FOXJ3: variants seen among roughly 807,000 people sequenced by gnomAD.
FOXJ3 encodes forkhead box J3, also known as forkhead box protein J3.
Under a neutral mutation model 76.1 loss-of-function variants are expected in FOXJ3, and 22 were observed. The ratio of observed to expected loss-of-function variants is 0.29; its 90% CI spans 0.21 to 0.41. FOXJ3 has a LOEUF of 0.41. Among genes scored for constraint, FOXJ3 ranks in the 10% least tolerant of loss-of-function variants. FOXJ3 has a pLI of 1.00. For synonymous variants in FOXJ3, 269 were observed against 261.2 expected, an observed-to-expected ratio of 1.03 and a Z score of -0.29; for missense variants, 613 against 762.1, an observed-to-expected ratio of 0.80 and a Z score of 2.30.
At chr1:42,215,448 A>G (rs1163755109) in intron 5 of FOXJ3, among the ~76,000 whole-genome samples, 1 of 152,296 alleles carries the variant, frequency 6.6e-6, no homozygotes, top group Admixed American at 6.5e-5. Context: ...TTATGAAAAA[A>G]AGAACAGAGC....
At chr1:42,210,828 C>T (rs1646953013) in intron 5 of FOXJ3, among the ~76,000 whole-genome samples, 1 of 152,158 alleles carries the variant, frequency 6.6e-6, no homozygotes, top group Admixed American at 6.5e-5. Context: ...CATACATTCC[C>T]CAGCACCAGC....
At chr1:42,316,333 C>CGTTTTTTTTTTTTTTTT (rs1322633444) in intron 1 of FOXJ3, among the ~76,000 whole-genome samples, 1 of 73,916 alleles carries the variant, frequency 1.4e-5, no homozygotes, top group African/African-American at 4.3e-5. Context: ...TGCATTGGGC[C>CGTTTTTTTTTTTTTTTT]TTTTTTTTTT....
intron 4 of FOXJ3, among the ~76,000 whole-genome samples, chr1:42,262,861 C>T (rs184603845): frequency 8.3e-4 from 126 of 152,136 alleles, no homozygotes; most frequent in Non-Finnish European, 2.6e-4. Flanking sequence ...AATTAACAAA[C>T]AAATAAACAA....
chr1:42,192,980 G>C (rs1406830577), intron 8 of FOXJ3, among the ~76,000 whole-genome samples: 1 of 152,120 alleles, frequency 6.6e-6, no homozygotes, highest in Non-Finnish European at 1.5e-5. Context: ...GGTTATTACT[G>C]TAAGATCAAA....
chr1:42,198,306 T>G (rs147259715), intron 7 of FOXJ3, among the ~76,000 whole-genome samples: 1 of 152,334 alleles, frequency 6.6e-6, no homozygotes, highest in African/African-American at 2.4e-5. Context: ...CTACATTCAA[T>G]GTGAATTTTA....
At chr1:42,302,792 T>C (rs1654234392) in intron 2 of FOXJ3, among the ~76,000 whole-genome samples, 1 of 152,184 alleles carries the variant, frequency 6.6e-6, no homozygotes, top group African/African-American at 2.4e-5. Flanking sequence ...TTAGTAGGCA[T>C]GTGTTTTATA....
At chr1:42,276,847 TA>T (rs1652302178) in intron 3 of FOXJ3, among the ~76,000 whole-genome samples, 1 of 152,234 alleles carries the variant, frequency 6.6e-6, no homozygotes, top group African/African-American at 2.4e-5. Context: ...ATATCGGTAT[TA>T]TTCTTCCCAA....
At chr1:42,309,833 G>C (rs940927122) in intron 2 of FOXJ3, among the ~76,000 whole-genome samples, 3 of 152,212 alleles carry the variant, frequency 2.0e-5, no homozygotes, top group Admixed American at 6.5e-5. Context: ...TGTGAAGGTA[G>C]AACATGGAAG....
intron 5 of FOXJ3, among the ~76,000 whole-genome samples, chr1:42,219,281 C>T (rs1300838617): frequency 6.6e-6 from 1 of 152,202 alleles, no homozygotes; most frequent in East Asian, 1.9e-4. Flanking sequence ...ACTTTGTATA[C>T]ACTACCAGCA....
chr1:42,248,997 G>A (rs1459523106), intron 4 of FOXJ3, among the ~76,000 whole-genome samples: 8 of 152,066 alleles, frequency 5.3e-5, no homozygotes, highest in Non-Finnish European at 1.2e-4. Context: ...GTGAGAACAT[G>A]TGGTGTTTGG....
intron 6 of FOXJ3, among the ~76,000 whole-genome samples, chr1:42,200,874 A>G (rs1438972840): frequency 6.6e-6 from 1 of 152,102 alleles, no homozygotes; most frequent in Non-Finnish European, 1.5e-5. Context: ...CTCTCCCACA[A>G]AGAACATCTG....
chr1:42,249,017 CCT>C (rs1364209197), intron 4 of FOXJ3, among the ~76,000 whole-genome samples: 1 of 152,006 alleles, frequency 6.6e-6, no homozygotes, highest in Admixed American at 6.6e-5. Context: ...GTTTTCTGTT[CCT>C]CTGTTAGTTT....
At chr1:42,224,413 G>C (rs1049980408) in intron 5 of FOXJ3, among the ~76,000 whole-genome samples, 1 of 152,052 alleles carries the variant, frequency 6.6e-6, no homozygotes, top group Non-Finnish European at 1.5e-5. Context: ...GAGGGGACAG[G>C]TAAGTATTCC....
At chr1:42,230,166 A>G (rs1008052224) in intron 4 of FOXJ3, among the ~76,000 whole-genome samples, 30 of 152,250 alleles carry the variant, frequency 2.0e-4, no homozygotes, top group Non-Finnish European at 4.4e-4. Flanking sequence ...AATTAAAAAG[A>G]TTCACAAAAC....
At chr1:42,328,442 T>C (rs1377183645) in intron 1 of FOXJ3, among the ~76,000 whole-genome samples, 4 of 152,214 alleles carry the variant, frequency 2.6e-5, no homozygotes, top group African/African-American at 9.6e-5. Flanking sequence ...AGTATGAGTC[T>C]TGTTACAGAC....
chr1:42,262,002 T>G (rs1205692118), intron 4 of FOXJ3, among the ~76,000 whole-genome samples: 1 of 152,220 alleles, frequency 6.6e-6, no homozygotes, highest in Non-Finnish European at 1.5e-5. Flanking sequence ...TCAACATTCA[T>G]TCTAAGACTT....
intron 4 of FOXJ3, among the ~76,000 whole-genome samples, chr1:42,243,237 G>C (rs1354663155): frequency 2.5e-5 from 2 of 79,728 alleles, no homozygotes; most frequent in African/African-American, 6.1e-5. Context: ...AAAACACGGA[G>C]AAGTATAAAA....
chr1:42,278,768 G>GA, intron 2 of FOXJ3, 96 bp from the exon 3 acceptor site: 1 of 852,136 alleles, frequency 1.2e-6, no homozygotes, highest in South Asian at 1.8e-5. Flanking sequence ...CAAAGTGAGG[G>GA]AAAGCCTGAG....
At chr1:42,238,210 T>G (rs550169849) in intron 4 of FOXJ3, among the ~76,000 whole-genome samples, 1 of 152,068 alleles carries the variant, frequency 6.6e-6, no homozygotes, top group East Asian at 1.9e-4. Flanking sequence ...TTTTTCTATA[T>G]TTTTAGTAGA....
Sources: allele counts gnomAD v4.1 joint callset (sites outside exome capture counted in the v4.1 genomes callset), GRCh38; gene constraint gnomAD v4.1.1; transcripts MANE v1.5; gene names NCBI Gene and HGNC (gene_info 2026-07-23, HGNC 2026-07-21).